MBOAT2: variants seen among roughly 807,000 people sequenced by gnomAD.
MBOAT2 encodes membrane bound glycerophospholipid O-acyltransferase 2, also known as membrane-bound glycerophospholipid O-acyltransferase 2.
In MBOAT2, 28 loss-of-function variants were observed where a neutral mutation model predicts 63.4. That is an observed-to-expected ratio of 0.44 (90% CI 0.33 to 0.61). The LOEUF is 0.61. MBOAT2 is among the 20% of genes least tolerant of loss of function. The pLI is 0.03. For synonymous variants in MBOAT2, 211 were observed against 215.6 expected (o/e 0.98, Z 0.19); for missense variants, 470 against 605.8 (o/e 0.78, Z 2.35).
chr2:8,882,387 A>G, intron 6 of MBOAT2, 124 bp downstream of exon 6: 1 of 941,276 alleles, frequency 1.1e-6, no homozygotes, highest in Non-Finnish European at 1.7e-6. Flanking sequence ...GCATGGAGAG[A>G]GTGAGGCTTG....
At position 8,852,726 on chromosome 2, in the gene MBOAT2, C is replaced by T. The variant is rs896528845; in HGVS notation, c.*5953G>A. On this transcript the variant is annotated 3_prime_UTR_variant, in exon 13 of 13. Transcript: ENST00000305997. Reference sequence around the variant, plus strand: ...TACTGTTTAATCAGTTGTAAAGACACACAAATTAGAAAAAAAAAACATGTC... The same window carrying T: ...TACTGTTTAATCAGTTGTAAAGACATACAAATTAGAAAAAAAAAACATGTC... 2 of 151,630 alleles carry T rather than the reference C, an allele frequency of 1.3e-5. No individual in the cohort carries two copies. The highest frequency in any genetic ancestry group is 4.8e-5 in the African/African-American group (2 of 41,244). 9.4% of individuals were successfully genotyped at this position (151,630 alleles called of 1,614,324 possible). A position where few individuals can be genotyped will look rare whatever the true frequency, so the allele number is the denominator to read the frequency against.
chr2:8,915,467 T>C (rs1314006866), intron 3 of MBOAT2, among the ~76,000 whole-genome samples: 3 of 152,116 alleles, frequency 2.0e-5, no homozygotes, highest in Admixed American at 6.5e-5. Context: ...TTAATGACAT[T>C]GTTGAGCTGC....
intron 3 of MBOAT2, 34 bp from the exon 4 acceptor site, chr2:8,908,750 TA>T (rs1211447259): frequency 7.7e-7 from 1 of 1,295,468 alleles, no homozygotes; most frequent in African/African-American, 1.5e-5. Context: ...TTAATGAAAA[TA>T]AGACTCATTT....
chr2:8,950,833 G>GT (rs960295081), intron 2 of MBOAT2, among the ~76,000 whole-genome samples: 6 of 151,930 alleles, frequency 3.9e-5, no homozygotes, highest in Admixed American at 1.3e-4. Flanking sequence ...TTTCCTAAGA[G>GT]TTTTTTTTAT....
At chr2:8,973,477 C>G (rs1457464876) in intron 1 of MBOAT2, among the ~76,000 whole-genome samples, 2 of 150,926 alleles carry the variant, frequency 1.3e-5, no homozygotes, top group African/African-American at 2.4e-5. Flanking sequence ...ATGTAACAAA[C>G]CTGCACATTG....
intron 1 of MBOAT2, among the ~76,000 whole-genome samples, chr2:8,960,058 C>T (rs939771695): frequency 1.3e-5 from 2 of 152,146 alleles, no homozygotes; most frequent in Admixed American, 1.3e-4. Context: ...GTCTAAGAAA[C>T]AATTGTTCTT....
At chr2:8,867,615 G>A (rs1661993805) in intron 9 of MBOAT2, among the ~76,000 whole-genome samples, 1 of 152,158 alleles carries the variant, frequency 6.6e-6, no homozygotes, top group Admixed American at 6.5e-5. Context: ...AAACCTAGAT[G>A]TTTAAACCAG....
chr2:8,958,067 G>C (rs887267522), intron 2 of MBOAT2, among the ~76,000 whole-genome samples: 14 of 151,996 alleles, frequency 9.2e-5, no homozygotes, highest in African/African-American at 3.4e-4. Context: ...CCTCTTTTTG[G>C]TAATGGCAGA....
chr2:8,884,918 G>C (rs1425845891), intron 5 of MBOAT2, among the ~76,000 whole-genome samples: 1 of 152,172 alleles, frequency 6.6e-6, no homozygotes, highest in Non-Finnish European at 1.5e-5. Flanking sequence ...TTTAAAGCTA[G>C]AAGTCTAACC....
At chr2:8,876,524 C>T (rs1485468579) in intron 7 of MBOAT2, among the ~76,000 whole-genome samples, 15 of 152,106 alleles carry the variant, frequency 9.9e-5, no homozygotes, top group Admixed American at 9.8e-4. Flanking sequence ...GAATCAGGAG[C>T]TGTTTTGTGG....
chr2:8,861,597 C>T (rs1661499570), intron 11 of MBOAT2, among the ~76,000 whole-genome samples: 1 of 152,176 alleles, frequency 6.6e-6, no homozygotes. Context: ...TTGCTAATGT[C>T]CTTCCGATGC....
chr2:8,932,990 T>C (rs575450796), intron 3 of MBOAT2, among the ~76,000 whole-genome samples: 21 of 152,290 alleles, frequency 1.4e-4, no homozygotes, highest in African/African-American at 4.6e-4. Context: ...TAACCAAAAG[T>C]TGAAAAAATA....
intron 1 of MBOAT2, among the ~76,000 whole-genome samples, chr2:8,982,838 A>G (rs559266005): frequency 6.6e-6 from 1 of 152,312 alleles, no homozygotes; most frequent in African/African-American, 2.4e-5. Flanking sequence ...CTTCCTCATC[A>G]GAACACAAAC....
intron 3 of MBOAT2, 130 bp downstream of exon 3, chr2:8,943,057 T>G: frequency 3.7e-6 from 2 of 544,170 alleles, no homozygotes; most frequent in Non-Finnish European, 6.1e-6. Context: ...ATTTTTGTAT[T>G]TATGACAATT....
In MBOAT2 at chr2:8,960,725, C is replaced by T. The variant is rs138930874; in HGVS notation, c.76-2083G>A. Among the ~76,000 whole-genome samples, 212 of 152,290 alleles carry T rather than the reference C, an allele frequency of 1.4e-3. 2 individuals are homozygous for T. The highest frequency in any genetic ancestry group is 1.7e-3 in the Non-Finnish European group (114 of 68,018). On this transcript the variant is annotated intron_variant, in intron 1 of 12. Coordinates refer to ENST00000305997, the MANE Select transcript of MBOAT2 (RefSeq NM_138799.4). ...TGAAATCATCTCTTTTCAACATTGT[C>T]ATCGTTCAGATAAAGAAAATGAGAT... is the stretch of plus-strand genomic sequence containing the variant.
chr2:8,953,575 T>C (rs1396972627), intron 2 of MBOAT2, among the ~76,000 whole-genome samples: 1 of 152,224 alleles, frequency 6.6e-6, no homozygotes, highest in Non-Finnish European at 1.5e-5. Flanking sequence ...GGAATGCTAA[T>C]AATTTGTACA....
intron 3 of MBOAT2, among the ~76,000 whole-genome samples, chr2:8,930,995 C>T (rs574792265): frequency 5.3e-5 from 8 of 152,214 alleles, no homozygotes; most frequent in East Asian, 1.9e-4. Flanking sequence ...TCTCTTTCAC[C>T]GTGGGCTGCC....
In MBOAT2 at chr2:8,897,432, G is replaced by A. The variant is rs569168331; in HGVS notation, c.396-9359C>T. Among the ~76,000 whole-genome samples the A allele has an allele frequency of 2.0e-5, 3 of 152,322 alleles. No homozygotes were observed. The East Asian group carries it at 5.8e-4, about 29-fold the overall frequency. ...TGGTTTCCTTGTGGTATTTAATGGA[G>A]GGAACGTTCCCCCAGAGGTTAGGAA... is the stretch of plus-strand genomic sequence containing the variant. On this transcript the variant is annotated intron_variant, in intron 4 of 12. Coordinates refer to ENST00000305997, the MANE Select transcript of MBOAT2 (RefSeq NM_138799.4).
At chr2:8,936,828 A>G (rs112341013) in intron 3 of MBOAT2, among the ~76,000 whole-genome samples, 62 of 147,664 alleles carry the variant, frequency 4.2e-4, no homozygotes, top group African/African-American at 9.5e-4. Flanking sequence ...AAAAGAAAAA[A>G]AAAGAAAGAA....
Sources: gnomAD v4.1 joint callset for allele counts (sites outside exome capture counted in the v4.1 genomes callset) on GRCh38, gnomAD v4.1.1 for gene constraint, MANE v1.5 for transcripts, NCBI Gene and HGNC (gene_info 2026-07-23, HGNC 2026-07-21) for gene names.